The following TNFRSF10A variants were observed in gnomAD, a reference collection of about 807,000 sequenced individuals.
TNFRSF10A encodes tumor necrosis factor receptor superfamily member 10A.
Under a neutral mutation model 42.8 loss-of-function variants are expected in TNFRSF10A, and 44 were observed. The observed-to-expected ratio is 1.03, with a 90% CI of 0.81 to 1.32. The LOEUF (loss-of-function observed/expected upper bound fraction) is 1.32. TNFRSF10A is among the 40% of genes most tolerant of loss of function. The probability of loss-of-function intolerance (pLI) is 0.00; values close to 1 mark genes in which losing one functional copy is unlikely to be tolerated. For synonymous variants in TNFRSF10A, 259 were observed against 234.2 expected (o/e 1.11, Z -0.97); for missense variants, 680 against 602.0 (o/e 1.13, Z -1.36).
chr8:23,200,560 C>T lies in TNFRSF10A; in HGVS notation c.744G>A (p.Leu248=). Residue 248 remains leucine, a synonymous_variant, in exon 6 of 10, where the codon TTG becomes TTA. Coordinates refer to ENST00000221132, the MANE Select transcript of TNFRSF10A (RefSeq NM_003844.4). ...HNIWVILVVT[L]VVPLLLVAVL... is the part of the protein sequence containing the mutation. ...CAGCCACCAACAGCAACGGAACAAC[C>T]AAAGTCACAACCAAAATCACCCATA... 3.1e-6 allele frequency: 5 copies of T among 1,614,162 alleles called. No homozygotes were observed. The highest frequency in any genetic ancestry group is 4.2e-6 in the Non-Finnish European group (5 of 1,180,004).
chr8:23,217,217 A>AT lies in TNFRSF10A; in HGVS notation c.307-5006dup, dbSNP rs1012554030. Among the ~76,000 whole-genome samples the AT allele has an allele frequency of 1.6e-3, 245 of 149,522 alleles. 2 individuals are homozygous for AT. The highest frequency in any genetic ancestry group is 3.4e-3 in the Middle Eastern group (1 of 292). Reference sequence around the variant, plus strand: ...GATTATTATGCCTTCTGATGAATTCATTTTTTTTTTCTTTTTTGAGACGGA... The same window carrying AT: ...GATTATTATGCCTTCTGATGAATTCATTTTTTTTTTTCTTTTTTGAGACGGA... On this transcript the variant is annotated intron_variant, in intron 1 of 9. Coordinates refer to ENST00000221132, the MANE Select transcript of TNFRSF10A (RefSeq NM_003844.4).
chr8:23,206,307 G>A (rs924702715), intron 2 of TNFRSF10A, among the ~76,000 whole-genome samples: 16 of 152,170 alleles, frequency 1.1e-4, no homozygotes, highest in African/African-American at 3.6e-4. Context: ...CCATAGTAGT[G>A]TACAGGAATG....
At chr8:23,199,547 G>C (rs889523029) in intron 7 of TNFRSF10A, 99 bp from the exon 8 acceptor site, 98 of 1,427,492 alleles carry the variant, frequency 6.9e-5, no homozygotes, top group Non-Finnish European at 8.7e-5. Flanking sequence ...CCCTCCCAGT[G>C]AGGTCACTCC....
chr8:23,206,566 G>C (rs929577741), intron 2 of TNFRSF10A, among the ~76,000 whole-genome samples: 1 of 152,216 alleles, frequency 6.6e-6, no homozygotes, highest in Non-Finnish European at 1.5e-5. Context: ...GCCTAGGGAT[G>C]CAGTAGGCTA....
At chr8:23,213,702 C>T (rs1455574090) in intron 1 of TNFRSF10A, among the ~76,000 whole-genome samples, 2 of 152,072 alleles carry the variant, frequency 1.3e-5, no homozygotes, top group Non-Finnish European at 2.9e-5. Flanking sequence ...CCTCGGCCTC[C>T]CAAAGTGTTG....
chr8:23,200,007 G>A (rs1016733205), intron 6 of TNFRSF10A, 90 bp from the exon 7 acceptor site: 4 of 1,527,106 alleles, frequency 2.6e-6, no homozygotes, highest in Admixed American at 1.7e-5. Flanking sequence ...GGTGGGCTGG[G>A]GGCTGGGACA....
chr8:23,222,864 G>A (rs533961489), intron 1 of TNFRSF10A, among the ~76,000 whole-genome samples: 1 of 151,054 alleles, frequency 6.6e-6, no homozygotes, highest in Non-Finnish European at 1.5e-5. Context: ...TCTCCCTTCC[G>A]GATCTCATCC....
At chr8:23,205,798 C>T (rs182241290) in intron 2 of TNFRSF10A, among the ~76,000 whole-genome samples, 36 of 151,242 alleles carry the variant, frequency 2.4e-4, no homozygotes, top group African/African-American at 8.2e-4. Context: ...ACAACCTCTG[C>T]CTCTCAGGTT....
intron 2 of TNFRSF10A, among the ~76,000 whole-genome samples, chr8:23,207,751 G>T (rs750611212): frequency 1.3e-5 from 2 of 152,072 alleles, no homozygotes; most frequent in Non-Finnish European, 2.9e-5. Context: ...AGCTCTCTTT[G>T]CTTGCTGCCA....
rs1258919139 is a variant in TNFRSF10A, at chr8:23,191,643, T to C, written c.*51A>G. The C allele has an allele frequency of 6.0e-6, 9 of 1,490,528 alleles. No individual in the cohort carries two copies. The South Asian group carries it at 9.7e-5, about 16-fold the overall frequency. 92.3% of individuals were successfully genotyped at this position (1,490,528 alleles called of 1,614,324 possible). On this transcript the variant is annotated 3_prime_UTR_variant, in exon 10 of 10. Transcript: ENST00000221132. ...CATGTTAAAAAAAAAAAAAACCTAA[T>C]ATGTATTAACTCCTAACACCTAAGA...
At chr8:23,216,985 G>A (rs531375882) in intron 1 of TNFRSF10A, among the ~76,000 whole-genome samples, 2 of 152,272 alleles carry the variant, frequency 1.3e-5, no homozygotes, top group African/African-American at 4.8e-5. Flanking sequence ...TCATAGAAGA[G>A]AAGGAATCTC....
At chr8:23,199,125 G>T in intron 8 of TNFRSF10A, 141 bp downstream of exon 8, 1 of 932,392 alleles carries the variant, frequency 1.1e-6, no homozygotes. Flanking sequence ...CCCCTTGTGA[G>T]GGTGGCTGCT....
intron 1 of TNFRSF10A, among the ~76,000 whole-genome samples, chr8:23,223,834 A>T (rs1585290602): frequency 6.6e-6 from 1 of 152,238 alleles, no homozygotes; most frequent in African/African-American, 2.4e-5. Flanking sequence ...TGCCTCCTGA[A>T]GGAAGGGCGT....
At chr8:23,221,020 T>C (rs1476323989) in intron 1 of TNFRSF10A, among the ~76,000 whole-genome samples, 2 of 152,252 alleles carry the variant, frequency 1.3e-5, no homozygotes, top group Non-Finnish European at 2.9e-5. Context: ...ACTTGAAGTC[T>C]GGCTCCTCTG....
chr8:23,219,000 C>T (rs1223694112), intron 1 of TNFRSF10A, among the ~76,000 whole-genome samples: 5 of 152,146 alleles, frequency 3.3e-5, no homozygotes, highest in Non-Finnish European at 4.4e-5. Context: ...ACCACATCCT[C>T]TAAGCCACCA....
chr8:23,207,766 T>C (rs763119477), intron 2 of TNFRSF10A, among the ~76,000 whole-genome samples: 1 of 152,152 alleles, frequency 6.6e-6, no homozygotes, highest in Non-Finnish European at 1.5e-5. Flanking sequence ...CTGCCATCCA[T>C]GTAAGACATG....
At chr8:23,213,618 T>C (rs1801127049) in intron 1 of TNFRSF10A, among the ~76,000 whole-genome samples, 1 of 105,232 alleles carries the variant, frequency 9.5e-6, no homozygotes, top group African/African-American at 2.9e-5. Context: ...CAGCTACGTT[T>C]TTTGTATTTT....
rs58691757 is a variant in TNFRSF10A, at chr8:23,213,436, C to CTTTTTT, written c.307-1230_307-1225dup. ...GCTGGTTTGGGCTTAGTTTGCTCCT[C>CTTTTTT]TTTTTTTTTTTTTTTTTTTTTTTTT... On this transcript the variant is annotated intron_variant, in intron 1 of 9. Coordinates refer to ENST00000221132, the MANE Select transcript of TNFRSF10A (RefSeq NM_003844.4). Among the ~76,000 whole-genome samples the CTTTTTT allele has an allele frequency of 4.4e-4, 30 of 68,648 alleles. 1 individual carries two copies. The highest frequency in any genetic ancestry group is 4.9e-4 in the African/African-American group (8 of 16,486). 45.0% of individuals were successfully genotyped at this position (68,648 alleles called of 152,430 possible).
intron 8 of TNFRSF10A, 91 bp downstream of exon 8, chr8:23,199,175 T>C (rs1800869176): frequency 6.7e-7 from 1 of 1,498,576 alleles, no homozygotes; most frequent in East Asian, 2.3e-5. Flanking sequence ...CCCATCTCCC[T>C]CAGGCTCCAC....
Sources: allele counts gnomAD v4.1 joint callset (sites outside exome capture counted in the v4.1 genomes callset), GRCh38; gene constraint gnomAD v4.1.1; transcripts MANE v1.5; gene names NCBI Gene and HGNC (gene_info 2026-07-23, HGNC 2026-07-21).